VEGFC: variants seen among roughly 807,000 people sequenced by gnomAD.
VEGFC encodes the protein vascular endothelial growth factor C, also known as FLT4 ligand DHM.
Under a neutral mutation model 46.1 loss-of-function variants are expected in VEGFC, and 12 were observed. The ratio of observed to expected loss-of-function variants is 0.26; its 90% CI spans 0.17 to 0.42. VEGFC has a LOEUF of 0.42. Ranked by LOEUF, VEGFC falls within the 10% of genes least tolerant of loss-of-function variation. The pLI is 1.00. For missense variants in VEGFC, 488 were observed against 529.4 expected (o/e 0.92, Z 0.77); for synonymous variants, 232 against 195.5 (o/e 1.19, Z -1.56).
intron 1 of VEGFC, among the ~76,000 whole-genome samples, chr4:176,777,426 G>C (rs1163769406): frequency 6.6e-6 from 1 of 152,134 alleles, no homozygotes; most frequent in Non-Finnish European, 1.5e-5. Context: ...CATAACAAAT[G>C]AGTCACTATT....
intron 4 of VEGFC, among the ~76,000 whole-genome samples, chr4:176,702,281 C>G (rs898241919): frequency 6.6e-6 from 1 of 152,098 alleles, no homozygotes; most frequent in African/African-American, 2.4e-5. Context: ...AAATAAAAGA[C>G]AGCAAATAAA....
At chr4:176,711,941 A>C (rs1038812653) in intron 3 of VEGFC, among the ~76,000 whole-genome samples, 14 of 152,150 alleles carry the variant, frequency 9.2e-5, no homozygotes, top group African/African-American at 3.4e-4. Context: ...TGACAGAACA[A>C]TGTGTTCAAG....
chr4:176,784,707 A>C (rs4274795), intron 1 of VEGFC, among the ~76,000 whole-genome samples: 99,843 of 141,008 alleles, frequency 0.71, 40,904 homozygotes, highest in East Asian at 0.99. Flanking sequence ...GAGCTGAGAT[A>C]GCACCACTGC....
chr4:176,700,207 A>T (rs1278227065), intron 4 of VEGFC, among the ~76,000 whole-genome samples: 1 of 152,346 alleles, frequency 6.6e-6, no homozygotes, highest in African/African-American at 2.4e-5. Flanking sequence ...ACCTGAGGTC[A>T]GGAGTTTGAG....
chr4:176,684,021 T>A lies in VEGFC; in HGVS notation c.1165A>T (p.Thr389Ser). Residue 389 changes from threonine to serine, a missense_variant, in exon 7 of 7, where the codon ACG becomes TCG. Transcript: ENST00000618562. ...QTCSCYRRPC[T>S]NRQKACEPGF... is the part of the protein sequence containing the mutation. Reference sequence around the variant, plus strand: ...GGCTCACAAGCCTTCTGGCGGTTCGTACATGGCCGTCTGTAACAGCTAGGA... The same window carrying A: ...GGCTCACAAGCCTTCTGGCGGTTCGAACATGGCCGTCTGTAACAGCTAGGA... The A allele has an allele frequency of 6.2e-7, 1 of 1,614,164 alleles. No homozygotes were observed. Among genetic ancestry groups the A allele is most frequent in the Non-Finnish European group, 8.5e-7 (1 of 1,180,010 alleles).
At chr4:176,728,360 T>G (rs1734907070) in intron 2 of VEGFC, among the ~76,000 whole-genome samples, 1 of 152,190 alleles carries the variant, frequency 6.6e-6, no homozygotes, top group South Asian at 2.1e-4. Context: ...TTTTGTGCTC[T>G]CAATGCAAAT....
chr4:176,779,685 A>G (rs1261902539), intron 1 of VEGFC, among the ~76,000 whole-genome samples: 2 of 146,638 alleles, frequency 1.4e-5, no homozygotes, highest in East Asian at 2.0e-4. Flanking sequence ...ACATTTTCCT[A>G]TTGCACATAG....
At chr4:176,723,415 G>A (rs1173487906) in intron 3 of VEGFC, among the ~76,000 whole-genome samples, 1 of 151,132 alleles carries the variant, frequency 6.6e-6, no homozygotes, top group African/African-American at 2.4e-5. Flanking sequence ...TAGGTTTGGG[G>A]GTGCATGTGC....
chr4:176,759,640 A>G (rs998142370), intron 1 of VEGFC, among the ~76,000 whole-genome samples: 2 of 152,286 alleles, frequency 1.3e-5, no homozygotes, highest in African/African-American at 4.8e-5. Flanking sequence ...ATAATGTGCT[A>G]ATCAGTTTGA....
chr4:176,715,069 T>C (rs959737136), intron 3 of VEGFC, among the ~76,000 whole-genome samples: 1 of 152,148 alleles, frequency 6.6e-6, no homozygotes, highest in African/African-American at 2.4e-5. Flanking sequence ...AATGGAAGAC[T>C]TTTTTACAGT....
intron 1 of VEGFC, among the ~76,000 whole-genome samples, chr4:176,744,720 TCTCTC>T (rs1735233212): frequency 6.6e-6 from 1 of 152,036 alleles, no homozygotes; most frequent in Non-Finnish European, 1.5e-5. Context: ...TACATTATCA[TCTCTC>T]CTATAATACT....
chr4:176,709,158 T>A (rs967887885), intron 4 of VEGFC, among the ~76,000 whole-genome samples: 2 of 152,088 alleles, frequency 1.3e-5, no homozygotes, highest in African/African-American at 2.4e-5. Flanking sequence ...AGGAAATGAG[T>A]CATTTTATTT....
intron 3 of VEGFC, among the ~76,000 whole-genome samples, chr4:176,712,532 A>G (rs556985878): frequency 6.6e-6 from 1 of 152,228 alleles, no homozygotes; most frequent in Non-Finnish European, 1.5e-5. Context: ...AAAAATGGTA[A>G]AAGTGAAATC....
intron 4 of VEGFC, among the ~76,000 whole-genome samples, chr4:176,705,717 CACA>C (rs1328542477): frequency 2.6e-5 from 4 of 152,054 alleles, no homozygotes; most frequent in Non-Finnish European, 4.4e-5. Flanking sequence ...TTATAAAGAT[CACA>C]ACATCCTTGA....
intron 1 of VEGFC, among the ~76,000 whole-genome samples, chr4:176,761,328 G>A (rs146152938): frequency 8.5e-4 from 129 of 152,214 alleles, no homozygotes; most frequent in African/African-American, 2.9e-3. Context: ...AAAATATTGT[G>A]AATATAAAAT....
At chr4:176,753,253 T>C (rs1017289517) in intron 1 of VEGFC, among the ~76,000 whole-genome samples, 5 of 152,070 alleles carry the variant, frequency 3.3e-5, no homozygotes, top group African/African-American at 1.2e-4. Context: ...GAAGGAATGA[T>C]GTAGAGTCCA....
intron 1 of VEGFC, among the ~76,000 whole-genome samples, chr4:176,757,423 C>T (rs114141064): frequency 0.012 from 1,782 of 152,108 alleles, 18 homozygotes; most frequent in African/African-American, 0.03. Context: ...TAAGTCATGC[C>T]ACTGTATGCA....
intron 1 of VEGFC, among the ~76,000 whole-genome samples, chr4:176,749,886 T>C (rs1253528786): frequency 6.6e-6 from 1 of 151,732 alleles, no homozygotes; most frequent in African/African-American, 2.4e-5. Context: ...TGTCCCACCA[T>C]GTACTATATT....
Position 176,729,761 on chromosome 4 carries a change from T to G in VEGFC, c.148-15A>C. 1 of 1,556,090 alleles carries G rather than the reference T, an allele frequency of 6.4e-7. No individual in the cohort carries two copies. The highest frequency in any genetic ancestry group is 8.7e-7 in the Non-Finnish European group (1 of 1,151,890). On this transcript the variant is annotated splice_polypyrimidine_tract_variant and intron_variant, in intron 1 of 6. Transcript: ENST00000618562. The stretch of plus-strand genomic sequence containing the variant: ...CTTGCATAAGCCTGTCAAAGAAAAA[T>G]GCAAGATCAATGACTTACCAGCTTA...
Sources: gnomAD v4.1 joint callset for allele counts (sites outside exome capture counted in the v4.1 genomes callset) on GRCh38, gnomAD v4.1.1 for gene constraint, MANE v1.5 for transcripts, NCBI Gene and HGNC (gene_info 2026-07-23, HGNC 2026-07-21) for gene names.